Variants in NFATC2 observed in about 807,000 individuals in gnomAD.
NFATC2 encodes nuclear factor of activated T-cells, cytoplasmic 2.
NFATC2 carries 22 observed loss-of-function variants against 87.3 expected under a neutral mutation model. The observed-to-expected ratio is 0.25, with a 90% CI of 0.18 to 0.36. The LOEUF (loss-of-function observed/expected upper bound fraction) is 0.36, where lower values mean the gene tolerates loss of function less well. NFATC2 is among the 10% of genes least tolerant of loss of function. The pLI is 1.00. For synonymous variants in NFATC2, 565 were observed against 542.2 expected (o/e 1.04, Z -0.58); for missense variants, 1,149 against 1,259.1 (o/e 0.91, Z 1.32).
chr20:51,551,199 G>A (rs2076929854), intron 1 of NFATC2, among the ~76,000 whole-genome samples: 1 of 152,016 alleles, frequency 6.6e-6, no homozygotes. Context: ...AAATGAAAGA[G>A]GGCACCAAAA....
intron 6 of NFATC2, among the ~76,000 whole-genome samples, chr20:51,450,267 G>T (rs1261580659): frequency 1.3e-5 from 2 of 152,158 alleles, no homozygotes; most frequent in Non-Finnish European, 2.9e-5. Flanking sequence ...GACCGCTGTG[G>T]GTTACAGCCC....
intron 9 of NFATC2, among the ~76,000 whole-genome samples, chr20:51,428,514 G>A (rs748981391): frequency 3.5e-4 from 54 of 152,244 alleles, no homozygotes; most frequent in Non-Finnish European, 3.4e-4. Context: ...GCCAGCCGGC[G>A]TCTGTGTGCA....
chr20:51,552,444 G>A (rs2076942330), intron 1 of NFATC2, among the ~76,000 whole-genome samples: 1 of 152,134 alleles, frequency 6.6e-6, no homozygotes, highest in Non-Finnish European at 1.5e-5. Flanking sequence ...TATAGATTGA[G>A]AAAACAAGAC....
chr20:51,505,028 T>TTTTTTTC, intron 3 of NFATC2, among the ~76,000 whole-genome samples: 1 of 121,700 alleles, frequency 8.2e-6, no homozygotes, highest in Non-Finnish European at 1.7e-5. Context: ...TTTTTTTTTT[T>TTTTTTTC]TTTGAGACGG....
In NFATC2 at chr20:51,411,766, G is replaced by T. The variant is rs531991280; in HGVS notation, c.2723-13036C>A. ...TGGTCTTGCACTCCTGACCTCAAGT[G>T]ATCCACCTGCCTTGGCCTCCCAAAG... is the stretch of plus-strand genomic sequence containing the variant. On this transcript the variant is annotated intron_variant, in intron 9 of 10. Coordinates refer to ENST00000371564, the MANE Select transcript of NFATC2 (RefSeq NM_012340.5). 5.9e-5 allele frequency among the ~76,000 whole-genome samples: 9 copies of T among 152,114 alleles called. No homozygotes were observed. In the South Asian group the frequency reaches 8.3e-4, roughly 14 times the overall value.
chr20:51,562,185 G>A lies in NFATC2; in HGVS notation c.70+375C>T, dbSNP rs1262309655. On this transcript the variant is annotated intron_variant, in intron 1 of 10. Transcript: ENST00000414705. This position sits in a 1 kb window ranked among gnomAD's most constrained non-coding sequence, Gnocchi z 5.8. ...AAAAAGTAATAATAATAATACTGCAGCGTTATGGCATTTGCTGTCAAAAGC... is the reference window on the plus strand; with the variant it reads ...AAAAAGTAATAATAATAATACTGCAACGTTATGGCATTTGCTGTCAAAAGC... Among the ~76,000 whole-genome samples the A allele has an allele frequency of 6.6e-6, 1 of 152,226 alleles. No homozygotes were observed. Among genetic ancestry groups the A allele is most frequent in the Non-Finnish European group, 1.5e-5 (1 of 68,040 alleles).
At chr20:51,423,479 T>C (rs1981280112) in intron 9 of NFATC2, among the ~76,000 whole-genome samples, 1 of 151,806 alleles carries the variant, frequency 6.6e-6, no homozygotes, top group Non-Finnish European at 1.5e-5. Context: ...AGCAGGGAAG[T>C]GAGTCTTAGC....
At chr20:51,492,273 GCCCCGCCGCA>G (rs1474969883) in intron 3 of NFATC2, among the ~76,000 whole-genome samples, 1 of 151,734 alleles carries the variant, frequency 6.6e-6, no homozygotes, top group Non-Finnish European at 1.5e-5. Flanking sequence ...GCACCACCGA[GCCCCGCCGCA>G]CCCCGCCGCT....
intron 3 of NFATC2, among the ~76,000 whole-genome samples, chr20:51,498,579 C>T (rs535509549): frequency 5.3e-5 from 8 of 152,140 alleles, no homozygotes; most frequent in Middle Eastern, 3.4e-3. Context: ...AGGCAGATCA[C>T]TTGAGGCCAG....
At chr20:51,548,278 T>TA (rs1213782404) in intron 1 of NFATC2, among the ~76,000 whole-genome samples, 10 of 152,220 alleles carry the variant, frequency 6.6e-5, no homozygotes, top group African/African-American at 1.9e-4. Flanking sequence ...AGTCACCTGT[T>TA]AGAGACCTTC....
chr20:51,452,419 G>A (rs1457653179), intron 6 of NFATC2, among the ~76,000 whole-genome samples: 1 of 152,176 alleles, frequency 6.6e-6, no homozygotes, highest in Non-Finnish European at 1.5e-5. Context: ...CATCCTGGGA[G>A]GTCGGAGCCA....
intron 3 of NFATC2, among the ~76,000 whole-genome samples, chr20:51,510,017 T>C (rs1267993550): frequency 6.6e-6 from 1 of 152,234 alleles, no homozygotes; most frequent in Non-Finnish European, 1.5e-5. Flanking sequence ...CCATGTTTTT[T>C]CCACATGTCT....
chr20:51,416,807 C>T (rs1283651114), intron 9 of NFATC2, among the ~76,000 whole-genome samples: 2 of 152,204 alleles, frequency 1.3e-5, no homozygotes, highest in African/African-American at 4.8e-5. Context: ...CCTAAGGCCA[C>T]ACCCCCAAGT....
chr20:51,517,592 CA>C (rs542579510), intron 2 of NFATC2, among the ~76,000 whole-genome samples: 7,773 of 135,706 alleles, frequency 0.057, 233 homozygotes, highest in African/African-American at 0.083. Flanking sequence ...GACCCTGTCT[CA>C]AAAAAAAAAA....
chr20:51,515,685 T>A lies in NFATC2; in HGVS notation c.1332+1099A>T, dbSNP rs1230985184. ...TCCAAGATGGCTATGGTGTCTGATT[T>A]AAAAAAAAAAAAAAGCAATTGTCAG... On this transcript the variant is annotated intron_variant, in intron 3 of 10. Coordinates refer to ENST00000371564, the MANE Select transcript of NFATC2 (RefSeq NM_012340.5). Among the ~76,000 whole-genome samples, 47 of 144,456 alleles carry A rather than the reference T, an allele frequency of 3.3e-4. No homozygotes were observed. In the South Asian group the frequency reaches 4.0e-3, roughly 12 times the overall value. The allele number at this position is 144,456 out of a possible 152,430, so 94.8% of individuals were successfully genotyped here.
intron 9 of NFATC2, among the ~76,000 whole-genome samples, chr20:51,409,390 G>A (rs150594963): frequency 2.2e-4 from 33 of 152,348 alleles, no homozygotes. Flanking sequence ...GGAATATTAT[G>A]CAGCAGAGAA....
At chr20:51,511,687 G>A (rs182888962) in intron 3 of NFATC2, among the ~76,000 whole-genome samples, 12 of 152,210 alleles carry the variant, frequency 7.9e-5, no homozygotes, top group Admixed American at 2.6e-4. Flanking sequence ...CATAGCTTCC[G>A]CTCCCACTGC....
chr20:51,542,328 C>T, intron 1 of NFATC2, 42 bp downstream of exon 1: 1 of 1,584,800 alleles, frequency 6.3e-7, no homozygotes, highest in Non-Finnish European at 8.6e-7. Flanking sequence ...GCCTGAGCCC[C>T]TGGCGGGCTC....
intron 10 of NFATC2, among the ~76,000 whole-genome samples, chr20:51,393,119 C>T (rs1053756547): frequency 1.3e-5 from 2 of 152,138 alleles, no homozygotes; most frequent in Non-Finnish European, 2.9e-5. Flanking sequence ...ACTCTGAATT[C>T]CGTGCTTTGC....
Sources: gnomAD v4.1 joint callset for allele counts (sites outside exome capture counted in the v4.1 genomes callset) on GRCh38, gnomAD v4.1.1 for gene constraint, Gnocchi (gnomAD v3.1) non-coding constraint, MANE v1.5 for transcripts, NCBI Gene and HGNC (gene_info 2026-07-23, HGNC 2026-07-21) for gene names.